Variants in GFRA1 observed in about 807,000 individuals in gnomAD.
GFRA1 encodes GDNF family receptor alpha-1.
A neutral mutation model predicts 51.6 loss-of-function variants in GFRA1; 16 were observed. The observed-to-expected ratio is 0.31, with a 90% confidence interval of 0.21 to 0.47. The LOEUF is 0.47. Among genes scored for constraint, GFRA1 ranks in the 20% least tolerant of loss-of-function variants. The pLI, the probability that GFRA1 is intolerant of heterozygous loss-of-function variation, is 1.00. For synonymous variants in GFRA1, 270 were observed against 241.3 expected, an observed-to-expected ratio of 1.12 and a Z score of -1.10; for missense variants, 530 against 594.3, an observed-to-expected ratio of 0.89 and a Z score of 1.13.
intron 4 of GFRA1, among the ~76,000 whole-genome samples, chr10:116,240,823 A>G (rs1419581241): frequency 6.6e-6 from 1 of 152,192 alleles, no homozygotes; most frequent in African/African-American, 2.4e-5. Context: ...ACGAATGAAT[A>G]GCAGCTAACA....
intron 4 of GFRA1, among the ~76,000 whole-genome samples, chr10:116,253,694 T>TC (rs1431986904): frequency 1.3e-5 from 2 of 152,184 alleles, no homozygotes; most frequent in Non-Finnish European, 2.9e-5. Context: ...AGGGCCTTCT[T>TC]CCTAAGCCTC....
At position 116,192,160 on chromosome 10, in the gene GFRA1, G is replaced by A. The variant is rs181177222; in HGVS notation, c.433+19471C>T. Among the ~76,000 whole-genome samples the A allele has an allele frequency of 4.1e-4, 62 of 152,324 alleles. 2 individuals carry two copies. The highest frequency in any genetic ancestry group is 1.4e-3 in the African/African-American group (60 of 41,582). ...CTTAGTGGTTTGGGGCTTTTTGCCT[G>A]CTCTGATATCAATGCCCCAGCTTTG... On this transcript the variant is annotated intron_variant, in intron 5 of 10. Coordinates refer to ENST00000355422, the MANE Select transcript of GFRA1 (RefSeq NM_005264.8).
intron 6 of GFRA1, among the ~76,000 whole-genome samples, chr10:116,097,056 G>C (rs1218239977): frequency 6.6e-6 from 1 of 151,962 alleles, no homozygotes; most frequent in East Asian, 1.9e-4. Context: ...GGAATCTAGA[G>C]GCTTTGAAGT....
chr10:116,124,432 T>C (rs1473057033), intron 6 of GFRA1, among the ~76,000 whole-genome samples: 2 of 151,680 alleles, frequency 1.3e-5, no homozygotes, highest in Non-Finnish European at 2.9e-5. Flanking sequence ...GGTTTTGCCA[T>C]GTTGGCCAGG....
intron 4 of GFRA1, among the ~76,000 whole-genome samples, chr10:116,259,759 C>A (rs1008425980): frequency 6.6e-6 from 1 of 152,170 alleles, no homozygotes; most frequent in African/African-American, 2.4e-5. Context: ...GTTTTGGAGT[C>A]ACAGGAACAA....
At chr10:116,211,052 C>G (rs1368439811) in intron 5 of GFRA1, among the ~76,000 whole-genome samples, 6 of 152,170 alleles carry the variant, frequency 3.9e-5, no homozygotes, top group African/African-American at 1.4e-4. Context: ...TCACCTCCAG[C>G]TCCTCAGAGC....
At chr10:116,198,532 T>TA in intron 5 of GFRA1, among the ~76,000 whole-genome samples, 1 of 152,236 alleles carries the variant, frequency 6.6e-6, no homozygotes, top group Non-Finnish European at 1.5e-5. Flanking sequence ...TTTAATTCTT[T>TA]AAGATATGCA....
chr10:116,069,772 C>T (rs1466875876), intron 9 of GFRA1, among the ~76,000 whole-genome samples: 1 of 152,156 alleles, frequency 6.6e-6, no homozygotes, highest in Non-Finnish European at 1.5e-5. Context: ...CTGTGCAGAA[C>T]GCAGAGATGC....
intron 3 of GFRA1, 114 bp from the exon 4 acceptor site, chr10:116,269,700 A>C (rs1969947108): frequency 1.4e-6 from 1 of 721,962 alleles, no homozygotes; most frequent in Non-Finnish European, 2.5e-6. Context: ...AAAGACGCTG[A>C]AACTTTGAAA....
At chr10:116,249,560 C>A (rs757545801) in intron 4 of GFRA1, among the ~76,000 whole-genome samples, 39 of 152,146 alleles carry the variant, frequency 2.6e-4, no homozygotes, top group Non-Finnish European at 5.3e-4. Context: ...GAAAGAAAGA[C>A]TCCTGACAGA....
intron 5 of GFRA1, among the ~76,000 whole-genome samples, chr10:116,181,787 G>GCGCCCA (rs968050559): frequency 8.5e-5 from 13 of 152,080 alleles, no homozygotes; most frequent in African/African-American, 3.1e-4. Context: ...ACAGGCGCCC[G>GCGCCCA]CGCCCGCTAC....
Position 116,194,045 on chromosome 10 carries a change from AAAAAATAAATAAATAAAATTT to A in GFRA1, c.433+17565_433+17585del, listed in dbSNP as rs1287682052. Among the ~76,000 whole-genome samples the A allele has an allele frequency of 5.3e-4, 64 of 120,620 alleles. 1 individual carries two copies. The highest frequency in any genetic ancestry group is 2.0e-3 in the African/African-American group (60 of 29,322). 79.1% of individuals were successfully genotyped at this position (120,620 alleles called of 152,430 possible). On this transcript the variant is annotated intron_variant, in intron 5 of 10. Transcript: ENST00000355422. ...CAGAGGGAGACTCCGTCTCAATAAA[AAAAAATAAATAAATAAAATTT>A]AAAAAAAAAAAAAAAAGGTGGCTCA...
chr10:116,220,425 T>A (rs1247256326), intron 4 of GFRA1, among the ~76,000 whole-genome samples: 1 of 152,208 alleles, frequency 6.6e-6, no homozygotes, highest in East Asian at 1.9e-4. Flanking sequence ...GTTACCCAGT[T>A]TCCAAAATTC....
chr10:116,111,785 C>T (rs914074456), intron 6 of GFRA1, among the ~76,000 whole-genome samples: 8 of 152,202 alleles, frequency 5.3e-5, no homozygotes, highest in African/African-American at 1.9e-4. Context: ...TCACCCTAGA[C>T]CTCATGAATA....
At position 116,062,076 on chromosome 10, in the gene GFRA1, CT is replaced by C; in HGVS notation, c.*2321del. ...TTTCAAAATGTAATTTATATATTGC[CT>C]ACCCATGCATTCTTCAATGAAGGCT... On this transcript the variant is annotated 3_prime_UTR_variant, in exon 11 of 11. Transcript: ENST00000355422. 1 of 398,518 alleles carries C rather than the reference CT, an allele frequency of 2.5e-6. No individual in the cohort carries two copies. Among genetic ancestry groups the C allele is most frequent in the East Asian group, 3.6e-5 (1 of 28,062 alleles). 24.7% of individuals were successfully genotyped at this position (398,518 alleles called of 1,614,324 possible).
rs1450124686 is a variant in GFRA1 at position 116,211,628 on chromosome 10, T to C, written c.433+3A>G. On this transcript the variant is annotated splice_donor_region_variant and intron_variant, in intron 5 of 10. Coordinates refer to ENST00000355422, the MANE Select transcript of GFRA1 (RefSeq NM_005264.8). ...AAAAGCAGGCAGGAAACAGTGAACT[T>C]ACCTTGCTGAAAAACATCTGCCAAG... 3 of 1,550,614 alleles carry C rather than the reference T, an allele frequency of 1.9e-6. No individual in the cohort carries two copies. Among genetic ancestry groups the C allele is most frequent in the Non-Finnish European group, 1.7e-6 (2 of 1,146,302 alleles).
At chr10:116,123,013 G>C (rs1286562927) in intron 6 of GFRA1, among the ~76,000 whole-genome samples, 1 of 152,188 alleles carries the variant, frequency 6.6e-6, no homozygotes, top group Non-Finnish European at 1.5e-5. Flanking sequence ...AGACTACAGG[G>C]GGCCAGGAAT....
Position 116,089,848 on chromosome 10 carries a change from T to C in GFRA1, c.1090A>G (p.Thr364Ala), listed in dbSNP as rs79239702. The change falls in exon 9 of 11, where the codon ACT becomes GCT. Residue 364 changes from threonine to alanine, a missense_variant. Coordinates refer to ENST00000355422, the MANE Select transcript of GFRA1 (RefSeq NM_005264.8). ...CGGAGGGCAGTGGTGGTAGTGGCAGTGGTGGTCTGTACTGGGAAGGCTGGC... is the reference window on the plus strand; with the variant it reads ...CGGAGGGCAGTGGTGGTAGTGGCAGCGGTGGTCTGTACTGGGAAGGCTGGC... ...WQPAFPVQTT[T>A]ATTTTALRVK... 3 of 1,613,340 alleles carry C rather than the reference T, an allele frequency of 1.9e-6. No individual in the cohort carries two copies. Among genetic ancestry groups the C allele is most frequent in the East Asian group, 4.5e-5 (2 of 44,880 alleles).
chr10:116,266,192 T>C (rs1327277132), intron 4 of GFRA1, among the ~76,000 whole-genome samples: 1 of 152,176 alleles, frequency 6.6e-6, no homozygotes, highest in African/African-American at 2.4e-5. Context: ...ACATGTCTTG[T>C]TCCTTGCGAG....
Sources: allele counts gnomAD v4.1 joint callset (sites outside exome capture counted in the v4.1 genomes callset), GRCh38; gene constraint gnomAD v4.1.1; transcripts MANE v1.5; gene names NCBI Gene and HGNC (gene_info 2026-07-23, HGNC 2026-07-21).